The following ROR2 variants were observed in gnomAD, a reference collection of about 807,000 sequenced individuals.
The protein encoded by ROR2 is tyrosine-protein kinase transmembrane receptor ROR2.
In ROR2, 33 loss-of-function variants were observed where a neutral mutation model predicts 74.9. That is an observed-to-expected ratio of 0.44 (90% CI 0.33 to 0.59). The LOEUF is 0.59. Among genes scored for constraint, ROR2 ranks in the 20% least tolerant of loss-of-function variants. The probability of loss-of-function intolerance (pLI) is 0.02; values close to 1 mark genes in which losing one functional copy is unlikely to be tolerated. For synonymous variants in ROR2, 586 were observed against 558.7 expected (o/e 1.05, Z -0.69); for missense variants, 1,216 against 1,313.8 (o/e 0.93, Z 1.15).
chr9:91,773,676 G>A (rs1052539684), intron 2 of ROR2, among the ~76,000 whole-genome samples: 2 of 152,102 alleles, frequency 1.3e-5, no homozygotes, highest in South Asian at 2.1e-4. Flanking sequence ...GTTCAACCCC[G>A]GCTGACTCTG....
chr9:91,808,543 G>A (rs1230256369), intron 1 of ROR2, among the ~76,000 whole-genome samples: 2 of 152,130 alleles, frequency 1.3e-5, no homozygotes, highest in Non-Finnish European at 2.9e-5. Flanking sequence ...AGAATCACTT[G>A]AACCCGGAAG....
At chr9:91,892,220 C>A (rs1830438679) in intron 1 of ROR2, among the ~76,000 whole-genome samples, 3 of 152,182 alleles carry the variant, frequency 2.0e-5, no homozygotes, top group Non-Finnish European at 1.5e-5. Context: ...CACAACACAA[C>A]CTAGTGATGA....
At chr9:91,832,125 T>A (rs1033507423) in intron 1 of ROR2, among the ~76,000 whole-genome samples, 1 of 152,070 alleles carries the variant, frequency 6.6e-6, no homozygotes, top group Non-Finnish European at 1.5e-5. Flanking sequence ...GAATCTCTCA[T>A]AGAGCCCAAG....
rs77626429 is a variant in ROR2 at position 91,733,756 on chromosome 9, T to C, written c.623-320A>G. Among the ~76,000 whole-genome samples, 11,014 of 152,258 alleles carry C rather than the reference T, an allele frequency of 0.072. 561 individuals are homozygous for C. The highest frequency in any genetic ancestry group is 0.26 in the South Asian group (1,247 of 4,814). ...CCTAGCTCACTCCGCTAGGTGCTTCTTCCAGGACAAGAGGGTTCAGACTTC... is the reference window on the plus strand; with the variant it reads ...CCTAGCTCACTCCGCTAGGTGCTTCCTCCAGGACAAGAGGGTTCAGACTTC... On this transcript the variant is annotated intron_variant, in intron 5 of 8. Transcript: ENST00000375708. The surrounding 1 kb of genome is among the most constrained non-coding windows in gnomAD (Gnocchi z 5.7).
chr9:91,759,291 G>C lies in ROR2; in HGVS notation c.176-1732C>G, dbSNP rs1267219443. Among the ~76,000 whole-genome samples the C allele has an allele frequency of 2.0e-5, 3 of 152,294 alleles. No homozygotes were observed. The East Asian group carries it at 5.8e-4, about 29-fold the overall frequency. ...GACAGTGGAAACGCACCTGTCTGCA[G>C]AGTAGTCATTAATGAGCAGAGACCA... On this transcript the variant is annotated intron_variant, in intron 2 of 8. Transcript: ENST00000375708.
At chr9:91,755,864 T>C (rs1825733247) in intron 4 of ROR2, 2 of 625,856 alleles carry the variant, frequency 3.2e-6, no homozygotes, top group Admixed American at 2.8e-5. Flanking sequence ...CCATTTTTGT[T>C]TTTCTGACTT....
intron 1 of ROR2, among the ~76,000 whole-genome samples, chr9:91,892,004 C>T (rs925529251): frequency 6.7e-6 from 1 of 149,852 alleles, no homozygotes; most frequent in African/African-American, 2.5e-5. Flanking sequence ...ACCGAGATCG[C>T]GCCACTGCAC....
chr9:91,802,480 C>T (rs16907793), intron 1 of ROR2, among the ~76,000 whole-genome samples: 4,321 of 152,100 alleles, frequency 0.028, 124 homozygotes, highest in East Asian at 0.16. Context: ...GGAAAAGGAG[C>T]GACTTCCAGA....
chr9:91,804,595 C>T (rs1827492653), intron 1 of ROR2, among the ~76,000 whole-genome samples: 1 of 152,238 alleles, frequency 6.6e-6, no homozygotes, highest in Non-Finnish European at 1.5e-5. Flanking sequence ...GTCATGCGGC[C>T]TGTACTTCAG....
intron 1 of ROR2, among the ~76,000 whole-genome samples, chr9:91,813,160 G>A (rs1468464584): frequency 6.6e-6 from 1 of 152,018 alleles, no homozygotes; most frequent in Non-Finnish European, 1.5e-5. Flanking sequence ...GCCCCCTCAA[G>A]ATTAATTCTC....
chr9:91,870,308 T>A (rs1298843370), intron 1 of ROR2, among the ~76,000 whole-genome samples: 1 of 152,224 alleles, frequency 6.6e-6, no homozygotes, highest in Admixed American at 6.5e-5. Flanking sequence ...AACACCATCA[T>A]GTGCCTACAG....
chr9:91,881,155 A>G (rs1377708197), intron 1 of ROR2, among the ~76,000 whole-genome samples: 1 of 152,230 alleles, frequency 6.6e-6, no homozygotes, highest in Non-Finnish European at 1.5e-5. Flanking sequence ...ATAACTTGGA[A>G]AAACTGAAAA....
intron 1 of ROR2, among the ~76,000 whole-genome samples, chr9:91,870,419 G>C (rs1032205524): frequency 6.6e-6 from 1 of 152,132 alleles, no homozygotes. Context: ...GCCAGACCGG[G>C]TCTTGATGGC....
chr9:91,920,043 A>G (rs1447062365), intron 1 of ROR2, among the ~76,000 whole-genome samples: 2 of 152,212 alleles, frequency 1.3e-5, no homozygotes, highest in African/African-American at 4.8e-5. Context: ...TCAACTCCCA[A>G]TATCAACAGG....
At chr9:91,794,390 C>T (rs539712452) in intron 1 of ROR2, among the ~76,000 whole-genome samples, 7 of 152,262 alleles carry the variant, frequency 4.6e-5, no homozygotes, top group Admixed American at 2.6e-4. Flanking sequence ...TGCAGAAAGT[C>T]GGCAGACTCA....
intron 1 of ROR2, among the ~76,000 whole-genome samples, chr9:91,890,389 TAAG>T (rs1220040925): frequency 6.6e-6 from 1 of 152,244 alleles, no homozygotes; most frequent in Non-Finnish European, 1.5e-5. Context: ...TGATATTCAC[TAAG>T]AAGACTTCTC....
chr9:91,943,491 C>T (rs1048511092), intron 1 of ROR2, among the ~76,000 whole-genome samples: 2 of 152,186 alleles, frequency 1.3e-5, no homozygotes, highest in African/African-American at 4.8e-5. Flanking sequence ...ATCCTTATAT[C>T]TCCCTCCTTC....
At chr9:91,916,331 T>C (rs1032530685) in intron 1 of ROR2, among the ~76,000 whole-genome samples, 4 of 145,424 alleles carry the variant, frequency 2.8e-5, no homozygotes, top group African/African-American at 1.0e-4. Flanking sequence ...TTTGTTCAGG[T>C]GATGCTCCCC....
In ROR2 at chr9:91,771,660, C is replaced by A. The variant is rs151266258; in HGVS notation, c.175+4081G>T. Among the ~76,000 whole-genome samples the A allele has an allele frequency of 2.1e-3, 316 of 152,222 alleles. 3 individuals are homozygous for A. The highest frequency in any genetic ancestry group is 7.2e-3 in the African/African-American group (300 of 41,550). On this transcript the variant is annotated intron_variant, in intron 2 of 8. Transcript: ENST00000375708. ...ACAACATCCTTAGTGCTCATTTTCT[C>A]TATATAGGCTTTTTGCTCTGAGAAT...
Sources: allele counts gnomAD v4.1 joint callset (sites outside exome capture counted in the v4.1 genomes callset), GRCh38; gene constraint gnomAD v4.1.1; non-coding constraint Gnocchi (gnomAD v3.1); transcripts MANE v1.5; gene names NCBI Gene and HGNC (gene_info 2026-07-23, HGNC 2026-07-21).